LOC122539214: variants seen among roughly 807,000 people sequenced by gnomAD.
At chr19:52,659,547 C>T in the LOC122539214 span, among the ~76,000 whole-genome samples, 3 of 147,968 alleles carry the variant, frequency 2.0e-5, no homozygotes, top group South Asian at 6.4e-4. Flanking sequence ...TCAGGGTTGA[C>T]ATGCAGATCC....
chr19:52,680,040 G>A, the LOC122539214 span, among the ~76,000 whole-genome samples: 7 of 152,160 alleles, frequency 4.6e-5, no homozygotes, highest in South Asian at 6.2e-4. Context: ...TTAGCCAGGC[G>A]TAGTGGCACA....
the LOC122539214 span, among the ~76,000 whole-genome samples, chr19:52,682,654 C>A: frequency 1.3e-5 from 2 of 151,404 alleles, no homozygotes; most frequent in Non-Finnish European, 2.9e-5. Flanking sequence ...GGCAACAAAG[C>A]GAGACTCCAT....
chr19:52,662,491 G>A, the LOC122539214 span, among the ~76,000 whole-genome samples: 3 of 152,086 alleles, frequency 2.0e-5, no homozygotes, highest in Admixed American at 6.5e-5. Flanking sequence ...GGCAGTGGGT[G>A]TGGACAGAGA....
At chr19:52,680,128 G>T in the LOC122539214 span, among the ~76,000 whole-genome samples, 3 of 152,092 alleles carry the variant, frequency 2.0e-5, no homozygotes, top group East Asian at 3.9e-4. Flanking sequence ...GTGGTAAGAA[G>T]AGATCACACC....
the LOC122539214 span, among the ~76,000 whole-genome samples, chr19:52,689,709 T>C: frequency 6.6e-6 from 1 of 151,914 alleles, no homozygotes; most frequent in Non-Finnish European, 1.5e-5. Context: ...CTTATGGCTC[T>C]TTCTCATTCT....
chr19:52,653,509 CTA>C, the LOC122539214 span, among the ~76,000 whole-genome samples: 1 of 152,124 alleles, frequency 6.6e-6, no homozygotes, highest in Non-Finnish European at 1.5e-5. Flanking sequence ...ATGAATTCGC[CTA>C]TGTGTTTCAA....
chr19:52,663,472 G>T, the LOC122539214 span, among the ~76,000 whole-genome samples: 1 of 152,158 alleles, frequency 6.6e-6, no homozygotes, highest in Non-Finnish European at 1.5e-5. Flanking sequence ...GAATATTATG[G>T]ACCAGAGGAA....
the LOC122539214 span, chr19:52,654,867 T>G: frequency 6.5e-6 from 1 of 153,328 alleles, no homozygotes; most frequent in African/African-American, 2.4e-5. Context: ...CAGTGAGAGA[T>G]GCTTCTGTGA....
the LOC122539214 span, among the ~76,000 whole-genome samples, chr19:52,661,305 A>C: frequency 6.6e-6 from 1 of 152,316 alleles, no homozygotes; most frequent in South Asian, 2.1e-4. Context: ...AGGAAGACCT[A>C]CAAGGGTAAT....
At chr19:52,678,085 T>C in the LOC122539214 span, among the ~76,000 whole-genome samples, 1 of 151,654 alleles carries the variant, frequency 6.6e-6, no homozygotes, top group African/African-American at 2.4e-5. Flanking sequence ...ATGGAGATTG[T>C]TGCCTACATG....
chr19:52,671,322 C>T, the LOC122539214 span, among the ~76,000 whole-genome samples: 14 of 152,168 alleles, frequency 9.2e-5, no homozygotes, highest in East Asian at 3.9e-4. Flanking sequence ...ACTACTTTTA[C>T]GATAAATGTT....
the LOC122539214 span, among the ~76,000 whole-genome samples, chr19:52,687,173 C>T: frequency 7.0e-6 from 1 of 143,108 alleles, no homozygotes; most frequent in Non-Finnish European, 1.5e-5. Flanking sequence ...AAGAGTAAAA[C>T]TCCATCTCAA....
chr19:52,685,325 G>T, the LOC122539214 span, among the ~76,000 whole-genome samples: 1 of 152,126 alleles, frequency 6.6e-6, no homozygotes, highest in Non-Finnish European at 1.5e-5. Flanking sequence ...AGGTGTGTCT[G>T]AATTCTTACA....
At chr19:52,685,140 A>G in the LOC122539214 span, among the ~76,000 whole-genome samples, 1 of 152,196 alleles carries the variant, frequency 6.6e-6, no homozygotes. Flanking sequence ...CTCTCCCAGA[A>G]GAAAAGCCAC....
chr19:52,689,514 C>A, the LOC122539214 span, among the ~76,000 whole-genome samples: 15 of 152,286 alleles, frequency 9.8e-5, no homozygotes, highest in East Asian at 2.9e-3. Flanking sequence ...CTCCTCCTCT[C>A]CCTCACCCTG....
the LOC122539214 span, among the ~76,000 whole-genome samples, chr19:52,681,428 GAA>G: frequency 7.9e-5 from 12 of 151,922 alleles, no homozygotes; most frequent in Admixed American, 7.9e-4. Flanking sequence ...TGATAGAAAA[GAA>G]AAGAGAGTAA....
the LOC122539214 span, among the ~76,000 whole-genome samples, chr19:52,677,786 C>G: frequency 5.3e-5 from 8 of 152,160 alleles, no homozygotes; most frequent in African/African-American, 1.4e-4. Flanking sequence ...GTAGTCCCAA[C>G]ACTTTGGGAA....
chr19:52,684,604 G>T, the LOC122539214 span, among the ~76,000 whole-genome samples: 1 of 151,314 alleles, frequency 6.6e-6, no homozygotes, highest in Non-Finnish European at 1.5e-5. Flanking sequence ...GATTGATGCA[G>T]AGATAATAAA....
the LOC122539214 span, among the ~76,000 whole-genome samples, chr19:52,689,088 C>T: frequency 4.6e-5 from 7 of 152,126 alleles, no homozygotes; most frequent in African/African-American, 9.6e-5. Flanking sequence ...ACAAGGCCAC[C>T]GGCAACCCAA....
Sources: allele counts gnomAD v4.1 joint callset (sites outside exome capture counted in the v4.1 genomes callset), GRCh38; gene constraint gnomAD v4.1.1; transcripts MANE v1.5.